ARL15: variants seen among roughly 807,000 people sequenced by gnomAD.
ARL15 encodes the protein ARF like GTPase 15, also known as ADP-ribosylation factor-like protein 15.
Under a neutral mutation model 25.2 loss-of-function variants are expected in ARL15, and 19 were observed. The ratio of observed to expected loss-of-function variants is 0.75; its 90% confidence interval spans 0.53 to 1.10. ARL15 has a LOEUF of 1.10. Ranked by LOEUF, ARL15 falls within the 50% of genes least tolerant of loss-of-function variation. The probability of loss-of-function intolerance (pLI) is 0.00; values close to 1 mark genes in which losing one functional copy is unlikely to be tolerated. For missense variants in ARL15, 220 were observed against 246.0 expected (o/e 0.89, Z 0.71); for synonymous variants, 94 against 86.8 (o/e 1.08, Z -0.46).
chr5:54,155,109 G>A (rs1754188726), intron 2 of ARL15, among the ~76,000 whole-genome samples: 1 of 152,110 alleles, frequency 6.6e-6, no homozygotes, highest in Admixed American at 6.5e-5. Context: ...GACACGCCGA[G>A]ACTCCATTTC....
intron 4 of ARL15, among the ~76,000 whole-genome samples, chr5:53,940,175 G>A (rs148149675): frequency 2.0e-5 from 3 of 151,954 alleles, no homozygotes; most frequent in East Asian, 1.9e-4. Context: ...GGGTTTCACC[G>A]TGTTAGCCAG....
At chr5:54,269,577 A>G (rs1471631010) in intron 1 of ARL15, among the ~76,000 whole-genome samples, 2 of 152,234 alleles carry the variant, frequency 1.3e-5, no homozygotes, top group Non-Finnish European at 2.9e-5. Context: ...ACTTTTCAGT[A>G]ATACATCTCT....
rs550581680 is a variant in ARL15 at position 54,255,821 on chromosome 5, T to C, written c.48+54611A>G. On this transcript the variant is annotated intron_variant, in intron 1 of 4. Coordinates refer to ENST00000504924, the MANE Select transcript of ARL15 (RefSeq NM_019087.3). Reference sequence around the variant, plus strand: ...TAAACAATCTCCTCCTGAATGATTTTTGGGGTTAACAAATCAAGATGGAAA... The same window carrying C: ...TAAACAATCTCCTCCTGAATGATTTCTGGGGTTAACAAATCAAGATGGAAA... Among the ~76,000 whole-genome samples the C allele has an allele frequency of 3.8e-4, 58 of 152,296 alleles. 1 individual carries two copies. The South Asian group carries it at 0.012, about 31-fold the overall frequency.
At position 53,885,289 on chromosome 5, in the gene ARL15, T is replaced by C. The variant is rs1188023643; in HGVS notation, c.*1272A>G. 1 of 152,630 alleles carries C rather than the reference T, an allele frequency of 6.6e-6. No homozygotes were observed. The highest frequency in any genetic ancestry group is 1.5e-5 in the Non-Finnish European group (1 of 68,012). 9.5% of individuals were successfully genotyped at this position (152,630 alleles called of 1,614,324 possible). On this transcript the variant is annotated 3_prime_UTR_variant, in exon 5 of 5. Transcript: ENST00000504924. Reference sequence around the variant, plus strand: ...AGTATGCCAAAGAATATTTCATCTGTGAACCTCAATATGCATAGATTTTTT... The same window carrying C: ...AGTATGCCAAAGAATATTTCATCTGCGAACCTCAATATGCATAGATTTTTT...
intron 3 of ARL15, among the ~76,000 whole-genome samples, chr5:54,138,429 T>C (rs1160955842): frequency 6.6e-6 from 1 of 152,148 alleles, no homozygotes; most frequent in African/African-American, 2.4e-5. Context: ...GAAAAGGACA[T>C]CTTATTTAAT....
chr5:53,931,505 A>G (rs551143897), intron 4 of ARL15, among the ~76,000 whole-genome samples: 2 of 152,320 alleles, frequency 1.3e-5, no homozygotes, highest in East Asian at 3.9e-4. Context: ...ATCATATTTA[A>G]GCTTTAAGAA....
intron 1 of ARL15, among the ~76,000 whole-genome samples, chr5:54,217,738 C>A (rs1756253068): frequency 6.6e-6 from 1 of 152,124 alleles, no homozygotes; most frequent in Non-Finnish European, 1.5e-5. Flanking sequence ...GAGGAAAAAA[C>A]ACTGATGCAA....
At chr5:54,003,621 CTGGAA>C (rs1279318702) in intron 4 of ARL15, among the ~76,000 whole-genome samples, 4 of 152,202 alleles carry the variant, frequency 2.6e-5, no homozygotes, top group African/African-American at 4.8e-5. Flanking sequence ...ATCTAAAGGA[CTGGAA>C]TGGAATGTCA....
chr5:54,165,738 T>TTATATATA (rs3063747), intron 2 of ARL15, among the ~76,000 whole-genome samples: 9,163 of 147,822 alleles, frequency 0.062, 384 homozygotes, highest in African/African-American at 0.11. Context: ...ATACCTTTGT[T>TTATATATA]TATATATATA....
At chr5:54,048,548 C>T (rs1750606241) in intron 4 of ARL15, among the ~76,000 whole-genome samples, 1 of 146,856 alleles carries the variant, frequency 6.8e-6, no homozygotes, top group Non-Finnish European at 1.5e-5. Flanking sequence ...GATTTACAGG[C>T]ACCTGCCACC....
intron 1 of ARL15, among the ~76,000 whole-genome samples, chr5:54,281,554 G>A (rs956704640): frequency 1.3e-5 from 2 of 152,064 alleles, no homozygotes; most frequent in Non-Finnish European, 2.9e-5. Context: ...AATACCCCTG[G>A]CCTCAACCCA....
chr5:53,939,231 C>T (rs145829958), intron 4 of ARL15, among the ~76,000 whole-genome samples: 2 of 152,286 alleles, frequency 1.3e-5, no homozygotes, highest in East Asian at 1.9e-4. Flanking sequence ...TCCTTTCACT[C>T]GGGAACGAAT....
intron 1 of ARL15, among the ~76,000 whole-genome samples, chr5:54,243,759 A>T (rs1483779784): frequency 6.6e-6 from 1 of 152,222 alleles, no homozygotes; most frequent in Admixed American, 6.5e-5. Flanking sequence ...TAATCTCTTG[A>T]TATCAAAAAC....
intron 1 of ARL15, among the ~76,000 whole-genome samples, chr5:54,212,844 T>C (rs1436357342): frequency 6.6e-6 from 1 of 152,126 alleles, no homozygotes; most frequent in African/African-American, 2.4e-5. Context: ...GGGGGGGAGA[T>C]GCAGAGTGAG....
At chr5:54,177,813 T>C (rs1185028712) in intron 1 of ARL15, among the ~76,000 whole-genome samples, 1 of 152,268 alleles carries the variant, frequency 6.6e-6, no homozygotes, top group East Asian at 1.9e-4. Flanking sequence ...AGAATAAAAG[T>C]TCCTCCCCAC....
intron 4 of ARL15, among the ~76,000 whole-genome samples, chr5:53,991,798 G>A (rs1374450468): frequency 6.6e-6 from 1 of 152,174 alleles, no homozygotes; most frequent in Admixed American, 6.5e-5. Context: ...CACTATGGTG[G>A]TGTCTTTAGG....
intron 4 of ARL15, among the ~76,000 whole-genome samples, chr5:53,992,025 G>T (rs1748519689): frequency 6.6e-6 from 1 of 152,136 alleles, no homozygotes; most frequent in African/African-American, 2.4e-5. Context: ...GAATCATATT[G>T]GATAGAGTTG....
chr5:53,925,040 GT>G (rs1745973084), intron 4 of ARL15, among the ~76,000 whole-genome samples: 1 of 147,768 alleles, frequency 6.8e-6, no homozygotes, highest in African/African-American at 2.6e-5. Context: ...AATAAAATCT[GT>G]TTCCTCCCAA....
intron 4 of ARL15, among the ~76,000 whole-genome samples, chr5:53,910,632 A>AAT (rs1304834700): frequency 1.2e-5 from 1 of 85,480 alleles, no homozygotes; most frequent in South Asian, 3.5e-4. Context: ...ATAAAAAAAA[A>AAT]TTATATATAT....
Sources: gnomAD v4.1 joint callset for allele counts (sites outside exome capture counted in the v4.1 genomes callset) on GRCh38, gnomAD v4.1.1 for gene constraint, MANE v1.5 for transcripts, NCBI Gene and HGNC (gene_info 2026-07-23, HGNC 2026-07-21) for gene names.